The following RNASEK variants were observed in gnomAD, a reference collection of about 807,000 sequenced individuals.
RNASEK encodes the protein ribonuclease K, also known as ribonuclease kappa.
Under a neutral mutation model 11.2 loss-of-function variants are expected in RNASEK, and 7 were observed. The ratio of observed to expected loss-of-function variants is 0.62; its 90% CI spans 0.35 to 1.17. RNASEK has a LOEUF of 1.17. RNASEK is among the 50% of genes most tolerant of loss of function. RNASEK has a pLI of 0.02. For missense variants in RNASEK, 101 were observed against 126.7 expected (o/e 0.80, Z 0.97); for synonymous variants, 46 against 49.5 (o/e 0.93, Z 0.30).
chr17:7,014,166 C>T lies in RNASEK; in HGVS notation c.177C>T (p.Tyr59=). The T allele has an allele frequency of 6.4e-7, 1 of 1,564,062 alleles. No homozygotes were observed. Among genetic ancestry groups the T allele is most frequent in the Non-Finnish European group, 8.7e-7 (1 of 1,153,828 alleles). The change falls in exon 3 of 3, where the codon TAC becomes TAT. Residue 59 remains tyrosine (Y), a synonymous_variant. Coordinates refer to ENST00000593646, the MANE Select transcript of RNASEK (RefSeq NM_001004333.5). The surrounding 1 kb of genome is among the most constrained non-coding windows in gnomAD (Gnocchi z 4.5). The stretch of plus-strand genomic sequence containing the variant: ...CCAGGAATGGCCCCCAGAACATATA[C>T]AACCTTTACGAGCAAGTCAGCTACA... ...KDFENGPQNI[Y]NLYEQVSYNC...
At chr17:7,013,517 G>A in intron 1 of RNASEK, 149 bp from the exon 2 acceptor site, 2 of 1,590,764 alleles carry the variant, frequency 1.3e-6, no homozygotes, top group Non-Finnish European at 1.7e-6. Context: ...CCTGTTCCAG[G>A]TGGCTGAGTC....
Position 7,012,755 on chromosome 17 carries a change from C to T in RNASEK, c.72C>T (p.Ile24=), listed in dbSNP as rs1909491826. ...CGIVLSAWGV[I]MLIMLGIFFN... The stretch of plus-strand genomic sequence containing the variant: ...TCGTCCTCAGCGCCTGGGGAGTGAT[C>T]ATGTTGGTGAGGGGACTCCCCGGCA... Residue 24 remains isoleucine, a synonymous_variant, in exon 1 of 3, where the codon ATC becomes ATT. Coordinates refer to ENST00000593646, the MANE Select transcript of RNASEK (RefSeq NM_001004333.5). The T allele has an allele frequency of 6.2e-7, 1 of 1,612,646 alleles. No homozygotes were observed. The highest frequency in any genetic ancestry group is 1.7e-5 in the Admixed American group (1 of 59,996).
intron 1 of RNASEK, chr17:7,013,378 C>T: frequency 2.0e-6 from 3 of 1,534,530 alleles, no homozygotes; most frequent in Non-Finnish European, 2.6e-6. Context: ...TTCTCCCTCC[C>T]CTCTTCCGCA....
rs554426318 is a variant in RNASEK at position 7,014,306 on chromosome 17, G to C, written c.*20G>C. 48 of 1,612,810 alleles carry C rather than the reference G, an allele frequency of 3.0e-5. No homozygotes were observed. Among genetic ancestry groups the C allele is most frequent in the Non-Finnish European group, 8.5e-7 (1 of 1,179,644 alleles). Reference sequence around the variant, plus strand: ...CGCTAGGGCCCCGGCGCGTTTCCCCGCTCCAGCCCCTCCTCTATTTAAAGA... The same window carrying C: ...CGCTAGGGCCCCGGCGCGTTTCCCCCCTCCAGCCCCTCCTCTATTTAAAGA... On this transcript the variant is annotated 3_prime_UTR_variant, in exon 3 of 3. Transcript: ENST00000593646. The surrounding 1 kb of genome is among the most constrained non-coding windows in gnomAD (Gnocchi z 4.5).
In RNASEK at chr17:7,014,130, C is replaced by T; in HGVS notation, c.156-15C>T. On this transcript the variant is annotated splice_polypyrimidine_tract_variant and intron_variant, in intron 2 of 2. Transcript: ENST00000593646. This position sits in a 1 kb window ranked among gnomAD's most constrained non-coding sequence, Gnocchi z 4.5. ...CTATTAAAGTTTGACCCCTTTGCTT[C>T]ATTCCCACCCCCAGGAATGGCCCCC... 6.4e-7 allele frequency: 1 copy of T among 1,552,426 alleles called. No individual in the cohort carries two copies. Among genetic ancestry groups the T allele is most frequent in the Non-Finnish European group, 8.7e-7 (1 of 1,147,250 alleles).
chr17:7,014,494 T>C lies in RNASEK; in HGVS notation c.*208T>C, dbSNP rs1368214264. On this transcript the variant is annotated 3_prime_UTR_variant, in exon 3 of 3. Coordinates refer to ENST00000593646, the MANE Select transcript of RNASEK (RefSeq NM_001004333.5). This position sits in a 1 kb window ranked among gnomAD's most constrained non-coding sequence, Gnocchi z 4.5. ...GCTGTTCCGTTTCTCCACCCTTCGCTGTGTCCCGTATCTCAATAAAGAGAA... is the reference window on the plus strand; with the variant it reads ...GCTGTTCCGTTTCTCCACCCTTCGCCGTGTCCCGTATCTCAATAAAGAGAA... 3.9e-6 allele frequency: 2 copies of C among 516,010 alleles called. No individual in the cohort carries two copies. The highest frequency in any genetic ancestry group is 7.0e-5 in the East Asian group (2 of 28,696). The allele number at this position is 516,010 out of a possible 1,614,324, so 32.0% of individuals were successfully genotyped here. A position where few individuals can be genotyped will look rare whatever the true frequency, so the allele number is the denominator to read the frequency against.
chr17:7,013,520 G>T, intron 1 of RNASEK, 146 bp from the exon 2 acceptor site: 1 of 1,592,876 alleles, frequency 6.3e-7, no homozygotes. Flanking sequence ...GTTCCAGGTG[G>T]CTGAGTCCGA....
Position 7,014,076 on chromosome 17 carries a change from G to T in RNASEK, c.156-69G>T, listed in dbSNP as rs1374637806. ...CGTAACAGCGCCTAAACAGGTGTCG[G>T]GCACATAGTGCTCAGAAAATGTTGG... On this transcript the variant is annotated intron_variant, in intron 2 of 2. Coordinates refer to ENST00000593646, the MANE Select transcript of RNASEK (RefSeq NM_001004333.5). The surrounding 1 kb of genome is among the most constrained non-coding windows in gnomAD (Gnocchi z 4.5). The T allele has an allele frequency of 7.0e-7, 1 of 1,430,292 alleles. No homozygotes were observed. Among genetic ancestry groups the T allele is most frequent in the African/African-American group, 1.4e-5 (1 of 70,412 alleles). The allele number at this position is 1,430,292 out of a possible 1,614,324, so 88.6% of individuals were successfully genotyped here.
Position 7,014,502 on chromosome 17 carries a change from G to C in RNASEK, c.*216G>C. The C allele has an allele frequency of 1.6e-6, 1 of 614,914 alleles. No individual in the cohort carries two copies. The highest frequency in any genetic ancestry group is 2.9e-6 in the Non-Finnish European group (1 of 350,234). The allele number at this position is 614,914 out of a possible 1,614,324, so 38.1% of individuals were successfully genotyped here. On this transcript the variant is annotated 3_prime_UTR_variant, in exon 3 of 3. Coordinates refer to ENST00000593646, the MANE Select transcript of RNASEK (RefSeq NM_001004333.5). The surrounding 1 kb of genome is among the most constrained non-coding windows in gnomAD (Gnocchi z 4.5). ...GTTTCTCCACCCTTCGCTGTGTCCC[G>C]TATCTCAATAAAGAGAATCTGCTCT... is the stretch of plus-strand genomic sequence containing the variant.
intron 1 of RNASEK, chr17:7,013,192 G>A (rs1317458620): frequency 1.5e-6 from 1 of 649,158 alleles, no homozygotes; most frequent in East Asian, 3.0e-5. Context: ...GCTGGTAAAG[G>A]TGGAGACCCC....
chr17:7,013,840 T>TA (rs1909612771), intron 2 of RNASEK, 98 bp downstream of exon 2: 16 of 990,990 alleles, frequency 1.6e-5, no homozygotes, highest in Middle Eastern at 2.3e-4. Context: ...TTAGGGCCCC[T>TA]AGGTTAGAGG....
In RNASEK at chr17:7,014,287, G is replaced by A. The variant is rs1269544487; in HGVS notation, c.*1G>A. ...GCGCAAGGAATACATGGTGCGCTAG[G>A]GCCCCGGCGCGTTTCCCCGCTCCAG... On this transcript the variant is annotated 3_prime_UTR_variant, in exon 3 of 3. Transcript: ENST00000593646. The surrounding 1 kb of genome is among the most constrained non-coding windows in gnomAD (Gnocchi z 4.5). 1.2e-6 allele frequency: 2 copies of A among 1,613,604 alleles called. No homozygotes were observed. Among genetic ancestry groups the A allele is most frequent in the Non-Finnish European group, 1.7e-6 (2 of 1,179,826 alleles).
intron 2 of RNASEK, 24 bp downstream of exon 2, chr17:7,013,766 G>C (rs757285583): frequency 1.3e-6 from 2 of 1,534,434 alleles, no homozygotes; most frequent in Non-Finnish European, 9.0e-7. Context: ...TGGGGGAGGC[G>C]GGCTGGGAGC....
At chr17:7,013,615 A>C (rs1909589202) in intron 1 of RNASEK, 51 bp from the exon 2 acceptor site, 9 of 1,596,440 alleles carry the variant, frequency 5.6e-6, no homozygotes, top group Non-Finnish European at 7.7e-6. Context: ...TACGAAGTGA[A>C]CATGAGGTCA....
intron 1 of RNASEK, 46 bp downstream of exon 1, chr17:7,012,807 CGGGCTGGGA>C: frequency 1.9e-6 from 3 of 1,565,262 alleles, no homozygotes; most frequent in African/African-American, 1.3e-5. Context: ...TGAGGGGCTC[CGGGCTGGGA>C]GGGCTGGGAG....
Position 7,012,717 on chromosome 17 carries a change from G to A in RNASEK, c.34G>A (p.Ala12Thr). The change falls in exon 1 of 3, where the codon GCC becomes ACC. Residue 12 changes from alanine to threonine, a missense_variant. Coordinates refer to ENST00000593646, the MANE Select transcript of RNASEK (RefSeq NM_001004333.5). The part of the protein sequence containing the change: ...ASLLCCGPKL[A>T]ACGIVLSAWG... ...GCTCCTGTGCTGTGGGCCGAAGCTG[G>A]CCGCCTGCGGCATCGTCCTCAGCGC... 1 of 1,613,268 alleles carries A rather than the reference G, an allele frequency of 6.2e-7. No homozygotes were observed. The highest frequency in any genetic ancestry group is 8.5e-7 in the Non-Finnish European group (1 of 1,179,826).
chr17:7,013,682 T>C lies in RNASEK; in HGVS notation c.95T>C (p.Phe32Ser), dbSNP rs1243737267. ...CTTTTCCAGATAATGCTCGGAATAT[T>C]TTTCAATGTCCATTCCGCTGTGTTG... ...GVIMLIMLGI[F>S]FNVHSAVLIE... The change falls in exon 2 of 3, where the codon TTT (phenylalanine) becomes TCT (serine). Residue 32 changes from phenylalanine (F) to serine (S), a missense_variant. Coordinates refer to ENST00000593646, the MANE Select transcript of RNASEK (RefSeq NM_001004333.5). 1 of 1,613,708 alleles carries C rather than the reference T, an allele frequency of 6.2e-7. No individual in the cohort carries two copies. Among genetic ancestry groups the C allele is most frequent in the African/African-American group, 1.3e-5 (1 of 74,924 alleles).
At position 7,014,442 on chromosome 17, in the gene RNASEK, C is replaced by A. The variant is rs1289196721; in HGVS notation, c.*156C>A. The A allele has an allele frequency of 3.9e-6, 3 of 774,656 alleles. No homozygotes were observed. Among genetic ancestry groups the A allele is most frequent in the African/African-American group, 3.5e-5 (2 of 57,398 alleles). The allele number at this position is 774,656 out of a possible 1,614,324, so 48.0% of individuals were successfully genotyped here. On this transcript the variant is annotated 3_prime_UTR_variant, in exon 3 of 3. Coordinates refer to ENST00000593646, the MANE Select transcript of RNASEK (RefSeq NM_001004333.5). This position sits in a 1 kb window ranked among gnomAD's most constrained non-coding sequence, Gnocchi z 4.5. ...CCTTCTCCCATCTCTGGCATCCGGC[C>A]CCCGTGGAGAGGGCTGAGGCTGGGG... is the stretch of plus-strand genomic sequence containing the variant.
rs1261282194 is a variant in RNASEK, at chr17:7,013,173, G to A, written c.78+412G>A. 10 of 569,270 alleles carry A rather than the reference G, an allele frequency of 1.8e-5. No homozygotes were observed. In the East Asian group the frequency reaches 3.2e-4, roughly 18 times the overall value. The allele number at this position is 569,270 out of a possible 1,614,324, so 35.3% of individuals were successfully genotyped here. ...TGGAGCGGAGGGCCCTGGAGTGGGA[G>A]GAGCCAGGGCTGGTAAAGGTGGAGA... is the stretch of plus-strand genomic sequence containing the variant. On this transcript the variant is annotated intron_variant, in intron 1 of 2. Transcript: ENST00000593646.
Sources: allele counts gnomAD v4.1 joint callset, GRCh38; gene constraint gnomAD v4.1.1; non-coding constraint Gnocchi (gnomAD v3.1); transcripts MANE v1.5; gene names NCBI Gene and HGNC (gene_info 2026-07-23, HGNC 2026-07-21).